DYNLL2: variants seen among roughly 807,000 people sequenced by gnomAD.
DYNLL2 encodes dynein light chain 2, cytoplasmic.
In DYNLL2, 1 loss-of-function variant was observed where a neutral mutation model predicts 9.7. The ratio of observed to expected loss-of-function variants is 0.10; its 90% CI spans 0.04 to 0.49. The LOEUF (loss-of-function observed/expected upper bound fraction) is 0.49, where lower values mean the gene tolerates loss of function less well. Among genes scored for constraint, DYNLL2 ranks in the 20% least tolerant of loss-of-function variants. The pLI, the probability that DYNLL2 is intolerant of heterozygous loss-of-function variation, is 0.95. For missense variants in DYNLL2, 37 were observed against 115.2 expected (o/e 0.32, Z 3.11); for synonymous variants, 35 against 40.5 (o/e 0.86, Z 0.52).
intron 1 of DYNLL2, among the ~76,000 whole-genome samples, chr17:58,086,807 A>G (rs1015702357): frequency 1.3e-5 from 2 of 152,268 alleles, no homozygotes; most frequent in Non-Finnish European, 2.9e-5. Context: ...GGTGCTCTTC[A>G]GAATATCGGA....
intron 1 of DYNLL2, among the ~76,000 whole-genome samples, chr17:58,085,379 G>C (rs986444623): frequency 2.6e-5 from 4 of 152,312 alleles, no homozygotes; most frequent in Non-Finnish European, 5.9e-5. Context: ...TGTGAACTCC[G>C]AGATCAAGGT....
rs1018102445 is a variant in DYNLL2, at chr17:58,094,260, A to G, written c.*4981A>G. 5 of 152,210 alleles carry G rather than the reference A, an allele frequency of 3.3e-5. No homozygotes were observed. The highest frequency in any genetic ancestry group is 1.2e-4 in the African/African-American group (5 of 41,446). 9.4% of individuals were successfully genotyped at this position (152,210 alleles called of 1,614,324 possible). Reference sequence around the variant, plus strand: ...GATCCTCGATTTCTTCATCTGTAAGATGGAAACAATATGTGTCTTTTCTAA... The same window carrying G: ...GATCCTCGATTTCTTCATCTGTAAGGTGGAAACAATATGTGTCTTTTCTAA... On this transcript the variant is annotated 3_prime_UTR_variant, in exon 3 of 3. Coordinates refer to ENST00000579991, the MANE Select transcript of DYNLL2 (RefSeq NM_080677.3).
Position 58,083,439 on chromosome 17 carries a change from C to CT in DYNLL2, c.-253dup, listed in dbSNP as rs2075741880. 1.1e-5 allele frequency: 1 copy of CT among 94,254 alleles called. No individual in the cohort carries two copies. The highest frequency in any genetic ancestry group is 2.1e-5 in the Non-Finnish European group (1 of 46,568). The allele number at this position is 94,254 out of a possible 1,614,324, so 5.8% of individuals were successfully genotyped here. A position where few individuals can be genotyped will look rare whatever the true frequency, so the allele number is the denominator to read the frequency against. On this transcript the variant is annotated 5_prime_UTR_variant, in exon 1 of 3. Transcript: ENST00000579991. ...CGCTCAGCGGCAGAGCGGAGCGGAG[C>CT]TGTGAGGCGCCAGTGCGGAGCGGGC...
chr17:58,086,991 C>G lies in DYNLL2; in HGVS notation c.-9-91C>G, dbSNP rs1598088059. On this transcript the variant is annotated intron_variant, in intron 1 of 2. Coordinates refer to ENST00000579991, the MANE Select transcript of DYNLL2 (RefSeq NM_080677.3). Reference sequence around the variant, plus strand: ...TTCTGTTGCCCTCACCTTCTATACTCCCCTCTTGCACTGAGACCCCACACC... The same window carrying G: ...TTCTGTTGCCCTCACCTTCTATACTGCCCTCTTGCACTGAGACCCCACACC... The G allele has an allele frequency of 7.4e-6, 11 of 1,490,654 alleles. No individual in the cohort carries two copies. The East Asian group carries it at 2.5e-4, about 34-fold the overall frequency. The allele number at this position is 1,490,654 out of a possible 1,614,324, so 92.3% of individuals were successfully genotyped here.
At chr17:58,084,293 G>A (rs904350047) in intron 1 of DYNLL2, among the ~76,000 whole-genome samples, 11 of 152,212 alleles carry the variant, frequency 7.2e-5, no homozygotes, top group African/African-American at 2.4e-4. Flanking sequence ...GGCCCACTTG[G>A]AGAGCCCGAA....
chr17:58,088,961 T>C (rs1389185771), intron 2 of DYNLL2, among the ~76,000 whole-genome samples, 181 bp from the exon 3 acceptor site: 1 of 151,206 alleles, frequency 6.6e-6, no homozygotes, highest in East Asian at 1.9e-4. Context: ...AGGGGAAGAG[T>C]GTCCTGGCCA....
At chr17:58,085,607 C>T (rs1263540833) in intron 1 of DYNLL2, among the ~76,000 whole-genome samples, 1 of 152,160 alleles carries the variant, frequency 6.6e-6, no homozygotes, top group Non-Finnish European at 1.5e-5. Context: ...CATAGTACCT[C>T]ACATGTTGCC....
At position 58,092,868 on chromosome 17, in the gene DYNLL2, ACCT is replaced by A. The variant is rs2075785374; in HGVS notation, c.*3593_*3595del. On this transcript the variant is annotated 3_prime_UTR_variant, in exon 3 of 3. Coordinates refer to ENST00000579991, the MANE Select transcript of DYNLL2 (RefSeq NM_080677.3). ...TGGTTCCCCGCTAAATTATTCTCTC[ACCT>A]CCTTTCAGTCTTTGCTCAAACATCC... The A allele has an allele frequency of 6.6e-6, 1 of 151,482 alleles. No homozygotes were observed. The highest frequency in any genetic ancestry group is 2.4e-5 in the African/African-American group (1 of 41,032). 9.4% of individuals were successfully genotyped at this position (151,482 alleles called of 1,614,324 possible). A position where few individuals can be genotyped will look rare whatever the true frequency, so the allele number is the denominator to read the frequency against.
Position 58,094,104 on chromosome 17 carries a change from TAG to T in DYNLL2, c.*4831_*4832del, listed in dbSNP as rs2075789732. On this transcript the variant is annotated 3_prime_UTR_variant, in exon 3 of 3. Coordinates refer to ENST00000579991, the MANE Select transcript of DYNLL2 (RefSeq NM_080677.3). ...CTGGACACTGCTGTTTTGGGCTTTC[TAG>T]AGAGAATGCAAACATGCAAAAACAG... is the stretch of plus-strand genomic sequence containing the variant. The T allele has an allele frequency of 1.3e-5, 2 of 152,340 alleles. No individual in the cohort carries two copies. The highest frequency in any genetic ancestry group is 4.1e-4 in the South Asian group (2 of 4,830). 9.4% of individuals were successfully genotyped at this position (152,340 alleles called of 1,614,324 possible).
chr17:58,088,615 C>G (rs564618791), intron 2 of DYNLL2, among the ~76,000 whole-genome samples: 1 of 152,172 alleles, frequency 6.6e-6, no homozygotes, highest in Admixed American at 6.5e-5. Context: ...GCATGGCACA[C>G]GGGAATGCCT....
At chr17:58,087,280 C>G in intron 2 of DYNLL2, 58 bp downstream of exon 2, 1 of 1,600,114 alleles carries the variant, frequency 6.2e-7, no homozygotes, top group Non-Finnish European at 8.5e-7. Context: ...CTGAGCTAAC[C>G]TCCAGGGAGA....
chr17:58,088,991 T>G, intron 2 of DYNLL2, 151 bp from the exon 3 acceptor site: 2 of 873,288 alleles, frequency 2.3e-6, no homozygotes, highest in Admixed American at 2.6e-5. Context: ...CCTGAGCTTT[T>G]GAGGTTCGGG....
intron 1 of DYNLL2, among the ~76,000 whole-genome samples, chr17:58,085,503 G>A (rs1010212163): frequency 2.2e-4 from 34 of 152,192 alleles, no homozygotes; most frequent in African/African-American, 8.2e-4. Context: ...GCCACAGAGG[G>A]GTGCTTTTAG....
chr17:58,088,793 A>C (rs2075769685), intron 2 of DYNLL2, among the ~76,000 whole-genome samples: 1 of 151,570 alleles, frequency 6.6e-6, no homozygotes, highest in Non-Finnish European at 1.5e-5. Flanking sequence ...CCTTTATTCC[A>C]CTGGCCTCTT....
At chr17:58,086,795 T>C (rs1411669537) in intron 1 of DYNLL2, among the ~76,000 whole-genome samples, 1 of 152,196 alleles carries the variant, frequency 6.6e-6, no homozygotes, top group Non-Finnish European at 1.5e-5. Context: ...ATCTTGACTA[T>C]TGGTGCTCTT....
Position 58,089,459 on chromosome 17 carries a change from T to A in DYNLL2, c.*180T>A. 1 of 733,108 alleles carries A rather than the reference T, an allele frequency of 1.4e-6. No homozygotes were observed. Among genetic ancestry groups the A allele is most frequent in the Non-Finnish European group, 2.0e-6 (1 of 491,670 alleles). The allele number at this position is 733,108 out of a possible 1,614,324, so 45.4% of individuals were successfully genotyped here. ...AAACAAAACCAAACCTCTTTCTGTT[T>A]AGTTGCCTGGGGGAAGAAGGCTGCT... On this transcript the variant is annotated 3_prime_UTR_variant, in exon 3 of 3. Transcript: ENST00000579991.
intron 2 of DYNLL2, 107 bp downstream of exon 2, chr17:58,087,329 G>A (rs1003646394): frequency 6.1e-6 from 9 of 1,476,214 alleles, no homozygotes; most frequent in African/African-American, 1.4e-5. Flanking sequence ...TATATCCTGT[G>A]CAAGCAAAAC....
rs1265890358 is a variant in DYNLL2, at chr17:58,092,797, T to A, written c.*3518T>A. 6.6e-6 allele frequency: 1 copy of A among 152,230 alleles called. No individual in the cohort carries two copies. Among genetic ancestry groups the A allele is most frequent in the East Asian group, 1.9e-4 (1 of 5,198 alleles). The allele number at this position is 152,230 out of a possible 1,614,324, so 9.4% of individuals were successfully genotyped here. On this transcript the variant is annotated 3_prime_UTR_variant, in exon 3 of 3. Transcript: ENST00000579991. The stretch of plus-strand genomic sequence containing the variant: ...TTCTTTGTTGCTGTGGCACTGTCGA[T>A]CTCTGTTCCCTGAACTCTAGTGTCC...
rs186053447 is a variant in DYNLL2 at position 58,093,486 on chromosome 17, G to A, written c.*4207G>A. ...AAGCAAACTGAATCAGAGAAGGTGAGTGGCAAAGCCCATGTAGCTGGTGGC... is the reference window on the plus strand; with the variant it reads ...AAGCAAACTGAATCAGAGAAGGTGAATGGCAAAGCCCATGTAGCTGGTGGC... On this transcript the variant is annotated 3_prime_UTR_variant, in exon 3 of 3. Coordinates refer to ENST00000579991, the MANE Select transcript of DYNLL2 (RefSeq NM_080677.3). The A allele has an allele frequency of 9.8e-5, 15 of 152,346 alleles. No homozygotes were observed. The East Asian group carries it at 2.7e-3, about 27-fold the overall frequency. The allele number at this position is 152,346 out of a possible 1,614,324, so 9.4% of individuals were successfully genotyped here.
Sources: allele counts gnomAD v4.1 joint callset (sites outside exome capture counted in the v4.1 genomes callset), GRCh38; gene constraint gnomAD v4.1.1; transcripts MANE v1.5; gene names NCBI Gene and HGNC (gene_info 2026-07-23, HGNC 2026-07-21).